Variants in STAB2 observed in about 807,000 individuals in gnomAD.
STAB2 encodes the protein stabilin 2.
A neutral mutation model predicts 338.1 loss-of-function variants in STAB2; 288 were observed. That is an observed-to-expected ratio of 0.85 (90% CI 0.77 to 0.94). The LOEUF is 0.94. Among genes scored for constraint, STAB2 ranks in the 40% least tolerant of loss-of-function variants. STAB2 has a pLI of 0.00. For missense variants in STAB2, 3,141 were observed against 3,210.1 expected, an observed-to-expected ratio of 0.98 and a Z score of 0.52; for synonymous variants, 1,202 against 1,193.3, an observed-to-expected ratio of 1.01 and a Z score of -0.15.
intron 3 of STAB2, among the ~76,000 whole-genome samples, chr12:103,598,997 G>C (rs529360240): frequency 2.0e-5 from 3 of 152,200 alleles, no homozygotes; most frequent in Non-Finnish European, 2.9e-5. Flanking sequence ...TTTGCAGCCT[G>C]CCCAAAGAGA....
intron 44 of STAB2, among the ~76,000 whole-genome samples, chr12:103,722,310 G>T (rs1349392279): frequency 1.3e-5 from 2 of 152,186 alleles, no homozygotes; most frequent in African/African-American, 2.4e-5. Flanking sequence ...ACCAAGAGAA[G>T]AAAATGTTTC....
intron 27 of STAB2, among the ~76,000 whole-genome samples, chr12:103,685,482 ATG>A (rs146056950): frequency 3.8e-5 from 5 of 132,868 alleles, no homozygotes; most frequent in South Asian, 2.4e-4. Context: ...GCGTGCGCGC[ATG>A]TGTGTGTGTG....
At chr12:103,727,779 T>C (rs1881327492) in intron 47 of STAB2, among the ~76,000 whole-genome samples, 1 of 152,198 alleles carries the variant, frequency 6.6e-6, no homozygotes, top group African/African-American at 2.4e-5. Context: ...ATAATAATGA[T>C]GGGTAACATT....
chr12:103,739,757 G>A (rs1041686547), intron 54 of STAB2, among the ~76,000 whole-genome samples: 1 of 152,138 alleles, frequency 6.6e-6, no homozygotes, highest in African/African-American at 2.4e-5. Flanking sequence ...AAAAATAGCT[G>A]CATTTTGTTG....
chr12:103,632,108 G>A lies in STAB2; in HGVS notation c.583+415G>A, dbSNP rs192276747. On this transcript the variant is annotated intron_variant, in intron 6 of 68. Transcript: ENST00000388887. Reference sequence around the variant, plus strand: ...TAACAGCCCTAAGGAAGAGGAAAGGGTGCTTCACCAACGCTGAGTGATTCA... The same window carrying A: ...TAACAGCCCTAAGGAAGAGGAAAGGATGCTTCACCAACGCTGAGTGATTCA... Among the ~76,000 whole-genome samples the A allele has an allele frequency of 2.9e-3, 443 of 152,240 alleles. 2 individuals carry two copies. Among genetic ancestry groups the A allele is most frequent in the Non-Finnish European group, 3.2e-3 (218 of 68,010 alleles).
chr12:103,606,386 TA>T (rs1429371943), intron 3 of STAB2, among the ~76,000 whole-genome samples: 1 of 152,208 alleles, frequency 6.6e-6, no homozygotes, highest in Non-Finnish European at 1.5e-5. Context: ...TTAAATGATT[TA>T]AAATATTGGA....
intron 54 of STAB2, 59 bp downstream of exon 54, chr12:103,739,527 C>CTATG: frequency 1.5e-6 from 1 of 673,012 alleles, no homozygotes; most frequent in Non-Finnish European, 2.2e-6. Flanking sequence ...ATTATCAGAC[C>CTATG]TGTGTGTGTG....
chr12:103,673,338 C>CTT (rs754202508), intron 22 of STAB2, among the ~76,000 whole-genome samples: 1 of 146,214 alleles, frequency 6.8e-6, no homozygotes. Context: ...GTTCTTTTTT[C>CTT]TTTTTTTTTT....
chr12:103,742,193 G>A (rs749640605), intron 55 of STAB2, among the ~76,000 whole-genome samples: 1 of 152,164 alleles, frequency 6.6e-6, no homozygotes, highest in Non-Finnish European at 1.5e-5. Context: ...ACAGTGCACA[G>A]TTCAGTGTAT....
chr12:103,749,170 T>C lies in STAB2; in HGVS notation c.6438+14T>C. 1 of 1,584,454 alleles carries C rather than the reference T, an allele frequency of 6.3e-7. No individual in the cohort carries two copies. Among genetic ancestry groups the C allele is most frequent in the Non-Finnish European group, 8.6e-7 (1 of 1,159,706 alleles). ...ATGACAGGCCCGGTGAGTCGCTCTT[T>C]CCCAGGGAAATTTGGGAGCAGCGCC... On this transcript the variant is annotated intron_variant, in intron 59 of 68. Coordinates refer to ENST00000388887, the MANE Select transcript of STAB2 (RefSeq NM_017564.10).
intron 26 of STAB2, 89 bp from the exon 27 acceptor site, chr12:103,684,900 A>G (rs1566013496): frequency 7.7e-7 from 1 of 1,297,530 alleles, no homozygotes; most frequent in East Asian, 2.3e-5. Context: ...TGCAGTTATC[A>G]CCTTAGATGG....
chr12:103,613,801 A>T (rs957281617), intron 3 of STAB2, among the ~76,000 whole-genome samples: 11 of 152,094 alleles, frequency 7.2e-5, no homozygotes, highest in African/African-American at 2.7e-4. Flanking sequence ...TGTAGACTGG[A>T]GCTGTTCCTA....
At chr12:103,689,066 C>A (rs1877693762) in intron 28 of STAB2, among the ~76,000 whole-genome samples, 1 of 151,858 alleles carries the variant, frequency 6.6e-6, no homozygotes, top group Non-Finnish European at 1.5e-5. Flanking sequence ...CTGCTTCTAC[C>A]AAAAACTGGC....
At chr12:103,624,218 T>C (rs1164733593) in intron 5 of STAB2, among the ~76,000 whole-genome samples, 1 of 152,254 alleles carries the variant, frequency 6.6e-6, no homozygotes, top group Non-Finnish European at 1.5e-5. Context: ...GCAGGTGCTG[T>C]GGTATCTTTA....
intron 39 of STAB2, among the ~76,000 whole-genome samples, chr12:103,709,884 C>T (rs1879696055): frequency 6.6e-6 from 1 of 152,172 alleles, no homozygotes; most frequent in Non-Finnish European, 1.5e-5. Context: ...CTCTCCTCTT[C>T]TTGCTTTCTC....
At chr12:103,710,767 G>A (rs1036158632) in intron 39 of STAB2, among the ~76,000 whole-genome samples, 15 of 152,136 alleles carry the variant, frequency 9.9e-5, no homozygotes, top group African/African-American at 3.6e-4. Context: ...TCTGTTTCAG[G>A]ACCTCCTGTA....
rs138475348 is a variant in STAB2, at chr12:103,670,793, C to T, written c.2357C>T (p.Pro786Leu). 6.2e-7 allele frequency: 1 copy of T among 1,613,868 alleles called. No individual in the cohort carries two copies. The change falls in exon 22 of 69, where the codon CCT becomes CTT. Residue 786 changes from proline (P) to leucine (L), a missense_variant. By Grantham distance (98) the Pro-to-Leu change is moderately conservative. Transcript: ENST00000388887. ...QFCSDPNKYG[P>L]RCNKKCLCVH... ...TGCTCTGATCCCAATAAATACGGAC[C>T]TCGGTGTAACAAAAGTAAGTGGCAC... is the stretch of plus-strand genomic sequence containing the variant.
At chr12:103,729,745 C>G (rs1348885454) in intron 48 of STAB2, among the ~76,000 whole-genome samples, 2 of 152,128 alleles carry the variant, frequency 1.3e-5, no homozygotes, top group Admixed American at 6.6e-5. Context: ...CTGGTCCAGT[C>G]CCTCCCTACT....
chr12:103,719,818 T>C (rs1034088174), intron 44 of STAB2, among the ~76,000 whole-genome samples: 2 of 152,236 alleles, frequency 1.3e-5, no homozygotes, highest in African/African-American at 2.4e-5. Context: ...GCCACAGAGC[T>C]AGTATGTGGC....
Sources: gnomAD v4.1 joint callset for allele counts (sites outside exome capture counted in the v4.1 genomes callset) on GRCh38, gnomAD v4.1.1 for gene constraint, MANE v1.5 for transcripts, NCBI Gene and HGNC (gene_info 2026-07-23, HGNC 2026-07-21) for gene names.